PDE6A: variants seen among roughly 807,000 people sequenced by gnomAD.
The protein encoded by PDE6A is rod cGMP-specific 3',5'-cyclic phosphodiesterase subunit alpha.
A neutral mutation model predicts 106.3 loss-of-function variants in PDE6A; 84 were observed. The observed-to-expected ratio is 0.79, with a 90% CI of 0.66 to 0.95. PDE6A has a LOEUF of 0.95. Ranked by LOEUF, PDE6A falls within the 40% of genes least tolerant of loss-of-function variation. The pLI, the probability that PDE6A is intolerant of heterozygous loss-of-function variation, is 0.00. For synonymous variants in PDE6A, 394 were observed against 386.6 expected, an observed-to-expected ratio of 1.02 and a Z score of -0.23; for missense variants, 1,052 against 1,084.9, an observed-to-expected ratio of 0.97 and a Z score of 0.43.
chr5:149,904,130 C>G (rs1461401725), intron 7 of PDE6A, among the ~76,000 whole-genome samples: 2 of 152,124 alleles, frequency 1.3e-5, no homozygotes, highest in Admixed American at 1.3e-4. Context: ...GCCTGTAATC[C>G]CAGCTACTCT....
rs142840516 is a variant in PDE6A at position 149,924,310 on chromosome 5, A to G, written c.859-2601T>C. Among the ~76,000 whole-genome samples, 1,085 of 152,240 alleles carry G rather than the reference A, an allele frequency of 7.1e-3. 14 individuals carry two copies. The highest frequency in any genetic ancestry group is 0.025 in the African/African-American group (1,027 of 41,554). On this transcript the variant is annotated intron_variant, in intron 4 of 21. Transcript: ENST00000255266. ...TTGGCCTGACACCTCATGTGGGCCA[A>G]ACACTGAGTGGCTCCAAAGATTGTC...
At chr5:149,903,347 ATT>A (rs1287509900) in intron 8 of PDE6A, among the ~76,000 whole-genome samples, 5 of 149,406 alleles carry the variant, frequency 3.3e-5, no homozygotes, top group Admixed American at 1.3e-4. Context: ...TTGTATATAT[ATT>A]GTATAATTGT....
At chr5:149,935,557 G>A (rs1754157298) in intron 1 of PDE6A, among the ~76,000 whole-genome samples, 1 of 152,144 alleles carries the variant, frequency 6.6e-6, no homozygotes, top group Non-Finnish European at 1.5e-5. Flanking sequence ...TAGTAATGTA[G>A]GTCACAAGGG....
chr5:149,890,144 A>T (rs541768258), intron 13 of PDE6A, among the ~76,000 whole-genome samples: 48 of 151,944 alleles, frequency 3.2e-4, no homozygotes, highest in African/African-American at 1.1e-3. Flanking sequence ...TTTGGTAGAG[A>T]TGGGGTTTCA....
chr5:149,870,860 A>G (rs1052666118), intron 17 of PDE6A, among the ~76,000 whole-genome samples: 1 of 143,146 alleles, frequency 7.0e-6, no homozygotes, highest in Admixed American at 6.7e-5. Context: ...GAAGAAAGAA[A>G]GAGAAAGAGA....
At chr5:149,888,732 G>C (rs1752416924) in intron 13 of PDE6A, among the ~76,000 whole-genome samples, 1 of 151,924 alleles carries the variant, frequency 6.6e-6, no homozygotes, top group Admixed American at 6.6e-5. Context: ...AGTTGTAGAA[G>C]GCTTGTGGAA....
rs55911717 is a variant in PDE6A, at chr5:149,884,188, GA to G, written c.2027+290del. ...CAGAGTGAGATCCTGTCTCAAAAAA[GA>G]AAAAAAAAAAATATATATATATATA... On this transcript the variant is annotated intron_variant, in intron 16 of 21. Transcript: ENST00000255266. Among the ~76,000 whole-genome samples the G allele has an allele frequency of 6.3e-3, 454 of 72,638 alleles. 6 individuals are homozygous for G. Among genetic ancestry groups the G allele is most frequent in the African/African-American group, 0.017 (330 of 19,716 alleles). 47.7% of individuals were successfully genotyped at this position (72,638 alleles called of 152,430 possible). A position where few individuals can be genotyped will look rare whatever the true frequency, so the allele number is the denominator to read the frequency against.
chr5:149,914,426 A>C lies in PDE6A; in HGVS notation c.998+517T>G, dbSNP rs370461343. 5.0e-4 allele frequency among the ~76,000 whole-genome samples: 76 copies of C among 152,272 alleles called. No homozygotes were observed. The South Asian group carries it at 0.016, about 31-fold the overall frequency. On this transcript the variant is annotated intron_variant, in intron 6 of 21. Coordinates refer to ENST00000255266, the MANE Select transcript of PDE6A (RefSeq NM_000440.3). ...TGTTTTGAGATGTGTTAAAATAAAA[A>C]CTATAGGAGGCCCTTGTTTTGGACA...
chr5:149,901,471 T>G (rs1026317972), intron 8 of PDE6A, among the ~76,000 whole-genome samples: 3 of 152,124 alleles, frequency 2.0e-5, no homozygotes, highest in Admixed American at 2.0e-4. Flanking sequence ...GAGGTTGTGG[T>G]GAGCCGAGAT....
Position 149,860,962 on chromosome 5 carries a change from C to T in PDE6A, c.2516G>A (p.Gly839Glu), listed in dbSNP as rs143809758. 2 of 1,614,110 alleles carry T rather than the reference C, an allele frequency of 1.2e-6. No individual in the cohort carries two copies. The highest frequency in any genetic ancestry group is 1.3e-5 in the African/African-American group (1 of 75,044). ...KQQSAKSAAAGNQPGGNPSPG... is the reference protein window; with the variant it reads ...KQQSAKSAAAENQPGGNPSPG... ...GCTGGGGTTTCCCCCCGGCTGATTT[C>T]CTGCGGCTGCTGCAATGAAACAGGA... Residue 839 changes from glycine (G) to glutamate (E), a missense_variant, in exon 22 of 22, where the codon GGA becomes GAA. Gly to Glu is a moderately conservative substitution (Grantham distance 98). Around this residue, in one of 3 missense-constraint regions of PDE6A, gnomAD observed 135 missense variants for 153.2 expected, o/e 0.88. Coordinates refer to ENST00000255266, the MANE Select transcript of PDE6A (RefSeq NM_000440.3).
chr5:149,886,888 A>G (rs1448760322), intron 13 of PDE6A, among the ~76,000 whole-genome samples: 1 of 152,156 alleles, frequency 6.6e-6, no homozygotes, highest in Non-Finnish European at 1.5e-5. Context: ...CAAATGTGGG[A>G]AAGTGCTCTG....
In PDE6A at chr5:149,944,681, A is replaced by T; in HGVS notation, c.-8T>A. 2 of 1,597,316 alleles carry T rather than the reference A, an allele frequency of 1.3e-6. No individual in the cohort carries two copies. Among genetic ancestry groups the T allele is most frequent in the Non-Finnish European group, 1.7e-6 (2 of 1,171,800 alleles). ...TGCTGTCACCTCGCCCATGGCTGGG[A>T]ATCCCACTGGCTACTCTGTAGAAGG... On this transcript the variant is annotated 5_prime_UTR_variant, in exon 1 of 22. Coordinates refer to ENST00000255266, the MANE Select transcript of PDE6A (RefSeq NM_000440.3).
chr5:149,860,966 C>A lies in PDE6A; in HGVS notation c.2512G>T (p.Ala838Ser), dbSNP rs778365507. ...QKQQSAKSAA[A>S]GNQPGGNPSP... ...GGGTTTCCCCCCGGCTGATTTCCTG[C>A]GGCTGCTGCAATGAAACAGGAAAAA... The change falls in exon 22 of 22, where the codon GCA (alanine) becomes TCA (serine). Residue 838 changes from alanine to serine, a missense_variant. Ala to Ser is a moderately conservative substitution (Grantham distance 99). This residue lies in a region of PDE6A where 135 missense variants were observed against 153.2 expected (regional missense o/e 0.88). Coordinates refer to ENST00000255266, the MANE Select transcript of PDE6A (RefSeq NM_000440.3). 13 of 1,613,942 alleles carry A rather than the reference C, an allele frequency of 8.1e-6. No individual in the cohort carries two copies. The Admixed American group carries it at 2.0e-4, about 25-fold the overall frequency.
intron 21 of PDE6A, among the ~76,000 whole-genome samples, chr5:149,862,499 C>T (rs1760180554): frequency 2.6e-5 from 4 of 152,178 alleles, no homozygotes; most frequent in African/African-American, 9.7e-5. Flanking sequence ...TGGCTTATGC[C>T]TGTAATCCCA....
At chr5:149,889,642 A>T (rs1752466979) in intron 13 of PDE6A, among the ~76,000 whole-genome samples, 1 of 151,988 alleles carries the variant, frequency 6.6e-6, no homozygotes, top group Non-Finnish European at 1.5e-5. Context: ...GCAGTGGCTC[A>T]TGCCTGTAAT....
chr5:149,883,714 ATT>A (rs777514609), intron 16 of PDE6A, among the ~76,000 whole-genome samples, 178 bp from the exon 17 acceptor site: 1 of 152,144 alleles, frequency 6.6e-6, no homozygotes, highest in Non-Finnish European at 1.5e-5. Context: ...TCTGCCACTG[ATT>A]TGTTATCTAC....
At chr5:149,899,625 G>C (rs1208176994) in intron 8 of PDE6A, 101 bp from the exon 9 acceptor site, 1 of 1,131,970 alleles carries the variant, frequency 8.8e-7, no homozygotes, top group East Asian at 2.3e-5. Context: ...GCTGAGAGGA[G>C]GTGGCAAGAG....
At chr5:149,920,865 A>T (rs1039292772) in intron 5 of PDE6A, among the ~76,000 whole-genome samples, 4 of 151,044 alleles carry the variant, frequency 2.6e-5, no homozygotes, top group African/African-American at 9.8e-5. Context: ...CAAAGACCCT[A>T]TCTGAGAGAG....
At chr5:149,936,187 A>AAGGAAGGAAGGAAGGT (rs1207653892) in intron 1 of PDE6A, among the ~76,000 whole-genome samples, 10 of 151,798 alleles carry the variant, frequency 6.6e-5, no homozygotes, top group Middle Eastern at 3.4e-3. Context: ...GGAAGGAAGG[A>AAGGAAGGAAGGAAGGT]AGGAAGGAAG....
Sources: gnomAD v4.1 joint callset for allele counts (sites outside exome capture counted in the v4.1 genomes callset) on GRCh38, gnomAD v4.1.1 for gene constraint, gnomAD v4.1.1 regional missense constraint, MANE v1.5 for transcripts, NCBI Gene and HGNC (gene_info 2026-07-23, HGNC 2026-07-21) for gene names.